The following ZNF26 variants were observed in gnomAD, a reference collection of about 807,000 sequenced individuals.
ZNF26 encodes zinc finger protein 26.
A neutral mutation model predicts 54.9 loss-of-function variants in ZNF26; 32 were observed. The observed-to-expected ratio is 0.58, with a 90% CI of 0.44 to 0.78. The LOEUF is 0.78. ZNF26 is among the 30% of genes least tolerant of loss of function. ZNF26 has a pLI of 0.00. For synonymous variants in ZNF26, 221 were observed against 209.2 expected, an observed-to-expected ratio of 1.06 and a Z score of -0.49; for missense variants, 524 against 634.0, an observed-to-expected ratio of 0.83 and a Z score of 1.86.
chr12:132,992,970 A>G (rs2137216953), intron 1 of ZNF26, among the ~76,000 whole-genome samples: 1 of 150,298 alleles, frequency 6.7e-6, no homozygotes, highest in Non-Finnish European at 1.5e-5. Flanking sequence ...TACATAATAC[A>G]TAAGCCCATC....
Position 133,011,408 on chromosome 12 carries a change from G to A in ZNF26, c.1529G>A (p.Trp510Ter). The A allele has an allele frequency of 6.2e-7, 1 of 1,602,658 alleles. No individual in the cohort carries two copies. Among genetic ancestry groups the A allele is most frequent in the Non-Finnish European group, 8.5e-7 (1 of 1,175,226 alleles). The change falls in exon 4 of 4, where the codon TGG (tryptophan) becomes TAG (stop). Residue 510 changes from tryptophan (W) to a stop codon, truncating the protein, a stop_gained. Transcript: ENST00000328654. LOFTEE classifies it high-confidence loss of function. ...AGAGTTCACACCGGAGAGAAACCAT[G>A]GAAATGCTCTGAATGTGGGAAATCC... ...HQRVHTGEKP[W>*]KCSECGKSFC...
In ZNF26 at chr12:133,016,090, T is replaced by G; in HGVS notation, c.*4609T>G. 1 of 128,550 alleles carries G rather than the reference T, an allele frequency of 7.8e-6. No individual in the cohort carries two copies. Among genetic ancestry groups the G allele is most frequent in the African/African-American group, 3.0e-5 (1 of 33,046 alleles). The allele number at this position is 128,550 out of a possible 1,614,324, so 8.0% of individuals were successfully genotyped here. ...GGTAATTTTTTTTTTTTTTTTTTTT[T>G]GAGACAGAGTCTCACTGTGTCACCC... On this transcript the variant is annotated 3_prime_UTR_variant, in exon 4 of 4. Coordinates refer to ENST00000328654, the MANE Select transcript of ZNF26 (RefSeq NM_019591.4).
At chr12:133,007,376 T>G in intron 2 of ZNF26, 61 bp from the exon 3 acceptor site, 1 of 1,460,204 alleles carries the variant, frequency 6.8e-7, no homozygotes, top group Non-Finnish European at 9.4e-7. Flanking sequence ...CTGTAGCTCT[T>G]GATTCCTCGG....
At chr12:132,987,021 C>T (rs1178864368) in intron 1 of ZNF26, 148 bp downstream of exon 1, 4 of 907,404 alleles carry the variant, frequency 4.4e-6, no homozygotes, top group Non-Finnish European at 6.7e-6. Flanking sequence ...CAAACCAAAG[C>T]GCCTCTGAAG....
chr12:132,995,703 G>A (rs1953066488), intron 1 of ZNF26, among the ~76,000 whole-genome samples: 1 of 152,118 alleles, frequency 6.6e-6, no homozygotes. Flanking sequence ...CCAGGCTGGA[G>A]TGCAGTGGCG....
Position 133,011,567 on chromosome 12 carries a change from A to G in ZNF26, c.*86A>G. 3.7e-6 allele frequency: 5 copies of G among 1,357,724 alleles called. No homozygotes were observed. The highest frequency in any genetic ancestry group is 4.9e-6 in the Non-Finnish European group (5 of 1,025,100). The allele number at this position is 1,357,724 out of a possible 1,614,324, so 84.1% of individuals were successfully genotyped here. A position where few individuals can be genotyped will look rare whatever the true frequency, so the allele number is the denominator to read the frequency against. On this transcript the variant is annotated 3_prime_UTR_variant, in exon 4 of 4. Transcript: ENST00000328654. ...GGATTTACAAGCAGGAGGCCCTAAAATTACACTCATGTCAAAAATCAGAGA... is the reference window on the plus strand; with the variant it reads ...GGATTTACAAGCAGGAGGCCCTAAAGTTACACTCATGTCAAAAATCAGAGA...
intron 3 of ZNF26, among the ~76,000 whole-genome samples, chr12:133,009,193 C>G (rs1953412061): frequency 1.3e-5 from 2 of 152,240 alleles, no homozygotes; most frequent in Non-Finnish European, 2.9e-5. Flanking sequence ...TTATCTCATT[C>G]TGGACTGCTA....
chr12:132,998,386 CA>C (rs1173810386), intron 1 of ZNF26, among the ~76,000 whole-genome samples: 2 of 152,086 alleles, frequency 1.3e-5, no homozygotes, highest in African/African-American at 4.8e-5. Flanking sequence ...AGGCTGGTCT[CA>C]AACTTCTGAC....
Position 133,009,203 on chromosome 12 carries a change from A to G in ZNF26, c.257-933A>G, listed in dbSNP as rs1205026169. ...AATTATTATCTCATTCTGGACTGCTACAATAGCTTCCTAAAGTATTTCTCT... is the reference window on the plus strand; with the variant it reads ...AATTATTATCTCATTCTGGACTGCTGCAATAGCTTCCTAAAGTATTTCTCT... On this transcript the variant is annotated intron_variant, in intron 3 of 3. Transcript: ENST00000328654. Among the ~76,000 whole-genome samples the G allele has an allele frequency of 2.0e-5, 3 of 152,242 alleles. No homozygotes were observed. In the East Asian group the frequency reaches 5.8e-4, roughly 29 times the overall value.
intron 1 of ZNF26, among the ~76,000 whole-genome samples, chr12:132,995,036 G>T (rs1485951864): frequency 1.3e-5 from 2 of 152,108 alleles, no homozygotes; most frequent in Non-Finnish European, 2.9e-5. Context: ...ACTTACGAAT[G>T]ATACTGTTGA....
At chr12:132,988,734 T>A (rs1407806929) in intron 1 of ZNF26, among the ~76,000 whole-genome samples, 1 of 152,236 alleles carries the variant, frequency 6.6e-6, no homozygotes, top group Non-Finnish European at 1.5e-5. Context: ...GCTGAAGTCT[T>A]GAATATTGAG....
At position 133,012,464 on chromosome 12, in the gene ZNF26, C is replaced by T. The variant is rs954795613; in HGVS notation, c.*983C>T. 2.0e-5 allele frequency: 3 copies of T among 151,116 alleles called. No individual in the cohort carries two copies. The highest frequency in any genetic ancestry group is 7.3e-5 in the African/African-American group (3 of 41,046). The allele number at this position is 151,116 out of a possible 1,614,324, so 9.4% of individuals were successfully genotyped here. ...ATTCTGTTGAGAACATCCATTCATT[C>T]TGGCTAATTGATTACAAGAATAACT... On this transcript the variant is annotated 3_prime_UTR_variant, in exon 4 of 4. Transcript: ENST00000328654.
rs1035987444 is a variant in ZNF26 at position 133,001,450 on chromosome 12, A to G, written c.34-5592A>G. 2.6e-5 allele frequency among the ~76,000 whole-genome samples: 4 copies of G among 152,268 alleles called. No individual in the cohort carries two copies. Among genetic ancestry groups the G allele is most frequent in the African/African-American group, 9.6e-5 (4 of 41,568 alleles). ...TCAGTGGTTAGAGAAAAAGACACAG[A>G]GTCTCCTGTTGTGCGGTGGTCAGTA... On this transcript the variant is annotated intron_variant, in intron 1 of 3. Transcript: ENST00000328654. The surrounding 1 kb of genome is among the most constrained non-coding windows in gnomAD (Gnocchi z 4.7).
chr12:133,002,296 G>A (rs1301489077), intron 1 of ZNF26, among the ~76,000 whole-genome samples: 1 of 152,068 alleles, frequency 6.6e-6, no homozygotes, highest in Non-Finnish European at 1.5e-5. Context: ...TGTCCCCACA[G>A]GATGCCCAGA....
chr12:132,989,316 A>G (rs1356178026), intron 1 of ZNF26, among the ~76,000 whole-genome samples: 2 of 152,142 alleles, frequency 1.3e-5, no homozygotes, highest in South Asian at 2.1e-4. Flanking sequence ...GATTACAGCC[A>G]TGAGCCACCG....
At chr12:133,003,418 C>G (rs1054971395) in intron 1 of ZNF26, among the ~76,000 whole-genome samples, 4 of 152,146 alleles carry the variant, frequency 2.6e-5, no homozygotes, top group South Asian at 2.1e-4. Flanking sequence ...CCACGCCTGG[C>G]TAATTTTTTG....
intron 1 of ZNF26, 88 bp downstream of exon 1, chr12:132,986,961 T>G: frequency 7.1e-7 from 1 of 1,417,402 alleles, no homozygotes; most frequent in Non-Finnish European, 9.8e-7. Flanking sequence ...GGAACTGAAC[T>G]CACATTCAGC....
intron 1 of ZNF26, among the ~76,000 whole-genome samples, chr12:132,989,082 G>A (rs983367923): frequency 4.9e-4 from 66 of 135,216 alleles, no homozygotes; most frequent in African/African-American, 1.7e-3. Flanking sequence ...TGTTGGCCAG[G>A]CTGGAGTGCA....
chr12:133,008,420 G>A (rs796290543), intron 3 of ZNF26, among the ~76,000 whole-genome samples: 23 of 152,020 alleles, frequency 1.5e-4, no homozygotes, highest in African/African-American at 2.9e-4. Flanking sequence ...TCTCTCTCCC[G>A]TATGTTCCAA....
Sources: gnomAD v4.1 joint callset for allele counts (sites outside exome capture counted in the v4.1 genomes callset) on GRCh38, gnomAD v4.1.1 for gene constraint, Gnocchi (gnomAD v3.1) non-coding constraint, MANE v1.5 for transcripts, NCBI Gene and HGNC (gene_info 2026-07-23, HGNC 2026-07-21) for gene names.